The following PLPPR1 variants were observed in gnomAD, a reference collection of about 807,000 sequenced individuals.
The protein encoded by PLPPR1 is phospholipid phosphatase-related protein type 1.
Under a neutral mutation model 33.1 loss-of-function variants are expected in PLPPR1, and 10 were observed. The observed-to-expected ratio is 0.30, with a 90% CI of 0.19 to 0.51. PLPPR1 has a LOEUF of 0.51. Ranked by LOEUF, PLPPR1 falls within the 20% of genes least tolerant of loss-of-function variation. The pLI is 0.97. For missense variants in PLPPR1, 304 were observed against 408.1 expected, an observed-to-expected ratio of 0.74 and a Z score of 2.20; for synonymous variants, 151 against 151.0, an observed-to-expected ratio of 1.00 and a Z score of 0.00.
intron 1 of PLPPR1, among the ~76,000 whole-genome samples, chr9:101,157,595 C>T (rs911827897): frequency 2.6e-5 from 4 of 152,044 alleles, no homozygotes; most frequent in African/African-American, 7.2e-5. Flanking sequence ...TGGGGAATAT[C>T]GGTACTTAAA....
chr9:101,182,077 T>G (rs1826124251), intron 1 of PLPPR1, among the ~76,000 whole-genome samples: 1 of 151,326 alleles, frequency 6.6e-6, no homozygotes, highest in South Asian at 2.1e-4. Context: ...TATTTAGCCT[T>G]AAAAAGGGGG....
intron 7 of PLPPR1, among the ~76,000 whole-genome samples, chr9:101,320,277 CCT>C (rs1372260770): frequency 2.0e-5 from 3 of 152,196 alleles, no homozygotes; most frequent in Admixed American, 6.5e-5. Context: ...CCTCCAGACC[CCT>C]CTCATGTGAC....
At chr9:101,127,067 CCT>C (rs1831254668) in intron 1 of PLPPR1, among the ~76,000 whole-genome samples, 1 of 152,204 alleles carries the variant, frequency 6.6e-6, no homozygotes, top group Non-Finnish European at 1.5e-5. Flanking sequence ...TTTCACTCCC[CCT>C]CTTTGTAATA....
chr9:101,320,202 T>C (rs997743446), intron 7 of PLPPR1, among the ~76,000 whole-genome samples: 1 of 152,248 alleles, frequency 6.6e-6, no homozygotes, highest in Non-Finnish European at 1.5e-5. Flanking sequence ...TTTGTGATTA[T>C]GGATGCCGCC....
intron 1 of PLPPR1, among the ~76,000 whole-genome samples, chr9:101,063,280 C>T (rs1431203919): frequency 6.6e-6 from 1 of 151,908 alleles, no homozygotes; most frequent in Non-Finnish European, 1.5e-5. Context: ...TGGGGGCTGC[C>T]CCATGCAGTC....
At chr9:101,214,480 TAGTA>T (rs1220121868) in intron 2 of PLPPR1, among the ~76,000 whole-genome samples, 35 of 152,276 alleles carry the variant, frequency 2.3e-4, no homozygotes, top group South Asian at 1.9e-3. Context: ...AAAACGCCAG[TAGTA>T]AGTATTTTAA....
At chr9:101,272,774 G>T (rs1476492571) in intron 3 of PLPPR1, among the ~76,000 whole-genome samples, 1 of 152,088 alleles carries the variant, frequency 6.6e-6, no homozygotes, top group Non-Finnish European at 1.5e-5. Context: ...TGTTTTCAAA[G>T]AACTTAGTCT....
chr9:101,296,517 C>T (rs1305462531), intron 4 of PLPPR1, among the ~76,000 whole-genome samples: 2 of 152,090 alleles, frequency 1.3e-5, no homozygotes, highest in African/African-American at 4.8e-5. Context: ...TATTGCGGCA[C>T]TATTCACAAT....
intron 5 of PLPPR1, 99 bp from the exon 6 acceptor site, chr9:101,312,699 C>T: frequency 1.1e-6 from 1 of 883,212 alleles, no homozygotes. Context: ...GACACAAGCC[C>T]CTGCTTGTGT....
At chr9:101,098,390 G>C (rs1830848677) in intron 1 of PLPPR1, among the ~76,000 whole-genome samples, 1 of 152,040 alleles carries the variant, frequency 6.6e-6, no homozygotes, top group South Asian at 2.1e-4. Flanking sequence ...AGTCAATCGA[G>C]GCACTTCTGC....
At chr9:101,181,294 A>G (rs1399611348) in intron 1 of PLPPR1, among the ~76,000 whole-genome samples, 1 of 150,676 alleles carries the variant, frequency 6.6e-6, no homozygotes, top group Non-Finnish European at 1.5e-5. Flanking sequence ...TGGCTATTAT[A>G]AAAAAGATGA....
chr9:101,207,384 G>C (rs1342462215), intron 2 of PLPPR1, among the ~76,000 whole-genome samples: 1 of 152,214 alleles, frequency 6.6e-6, no homozygotes, highest in Non-Finnish European at 1.5e-5. Flanking sequence ...ACGAAGCAAA[G>C]CTGTCTTCAA....
chr9:101,144,578 G>GA (rs747543583), intron 1 of PLPPR1, among the ~76,000 whole-genome samples: 9 of 151,960 alleles, frequency 5.9e-5, no homozygotes, highest in Non-Finnish European at 8.8e-5. Context: ...AGAGGTCTCA[G>GA]AAAAAAACCA....
chr9:101,285,299 C>A (rs959209827), intron 3 of PLPPR1, among the ~76,000 whole-genome samples: 3 of 151,974 alleles, frequency 2.0e-5, no homozygotes, highest in African/African-American at 7.3e-5. Context: ...AGATGTAGTC[C>A]CTGCTATTAG....
intron 5 of PLPPR1, among the ~76,000 whole-genome samples, chr9:101,311,658 T>C (rs1828958765): frequency 6.6e-6 from 1 of 152,196 alleles, no homozygotes; most frequent in Non-Finnish European, 1.5e-5. Flanking sequence ...ATCTGTTATA[T>C]AGAAGAGATT....
intron 6 of PLPPR1, among the ~76,000 whole-genome samples, chr9:101,316,294 A>G (rs148435049): frequency 0.036 from 5,477 of 152,096 alleles, 342 homozygotes; most frequent in African/African-American, 0.12. Context: ...AAAAGTAGCC[A>G]GGCGTGCTGG....
At chr9:101,159,067 C>T (rs2118667347) in intron 1 of PLPPR1, among the ~76,000 whole-genome samples, 1 of 152,294 alleles carries the variant, frequency 6.6e-6, no homozygotes. Flanking sequence ...AACCTACCCC[C>T]ATCTTACATA....
At chr9:101,255,032 CTTA>C (rs1827774936) in intron 2 of PLPPR1, among the ~76,000 whole-genome samples, 1 of 152,282 alleles carries the variant, frequency 6.6e-6, no homozygotes, top group South Asian at 2.1e-4. Flanking sequence ...CTCATCAACA[CTTA>C]TTATCTAACC....
At chr9:101,044,831 C>A (rs1038490113) in intron 1 of PLPPR1, among the ~76,000 whole-genome samples, 9 of 152,112 alleles carry the variant, frequency 5.9e-5, no homozygotes, top group Non-Finnish European at 8.8e-5. Flanking sequence ...CTTGAGTACA[C>A]GTGTGGCATT....
Sources: gnomAD v4.1 joint callset for allele counts (sites outside exome capture counted in the v4.1 genomes callset) on GRCh38, gnomAD v4.1.1 for gene constraint, MANE v1.5 for transcripts, NCBI Gene and HGNC (gene_info 2026-07-23, HGNC 2026-07-21) for gene names.